MBD3: variants seen among roughly 807,000 people sequenced by gnomAD.
MBD3 encodes methyl-CpG binding domain protein 3.
Under a neutral mutation model 31.2 loss-of-function variants are expected in MBD3, and 13 were observed. The observed-to-expected ratio is 0.42, with a 90% confidence interval of 0.27 to 0.66. MBD3 has a LOEUF of 0.66. Among genes scored for constraint, MBD3 ranks in the 30% least tolerant of loss-of-function variants. The probability of loss-of-function intolerance (pLI) is 0.26; values close to 1 mark genes in which losing one functional copy is unlikely to be tolerated. For missense variants in MBD3, 440 were observed against 426.5 expected (o/e 1.03, Z -0.28); for synonymous variants, 223 against 187.4 (o/e 1.19, Z -1.55).
At chr19:1,584,900 CACCCTGTGGCCTGCGCCTTCCGCTCTGT>C in intron 2 of MBD3, 127 bp downstream of exon 2, 1 of 1,204,714 alleles carries the variant, frequency 8.3e-7, no homozygotes, top group Admixed American at 2.1e-5. Context: ...TTGCGCTCTG[CACCCTGTGGCCTGCGCCTTCCGCTCTGT>C]GCCCTCCGCC....
chr19:1,592,448 G>A (rs1268109435), intron 1 of MBD3, 74 bp downstream of exon 1: 37 of 667,338 alleles, frequency 5.5e-5, no homozygotes, highest in Non-Finnish European at 8.0e-5. Flanking sequence ...GCCCGGGGCA[G>A]GGGCGCCGAG....
In MBD3 at chr19:1,577,341, C is replaced by G. The variant is rs374929854; in HGVS notation, c.*823G>C. 1 of 152,278 alleles carries G rather than the reference C, an allele frequency of 6.6e-6. No individual in the cohort carries two copies. The highest frequency in any genetic ancestry group is 1.5e-5 in the Non-Finnish European group (1 of 68,066). The allele number at this position is 152,278 out of a possible 1,614,324, so 9.4% of individuals were successfully genotyped here. On this transcript the variant is annotated 3_prime_UTR_variant, in exon 7 of 7. Transcript: ENST00000434436. ...CCTCGAGGAGCGTCTGGGAGCCTCA[C>G]CCTGTCCCAGTGGCTCCTGGCACCC...
rs1555701041 is a variant in MBD3, at chr19:1,592,646, C to T, written c.-15G>A. The T allele has an allele frequency of 3.4e-6, 4 of 1,181,426 alleles. No homozygotes were observed. The highest frequency in any genetic ancestry group is 1.6e-5 in the African/African-American group (1 of 61,118). 73.2% of individuals were successfully genotyped at this position (1,181,426 alleles called of 1,614,324 possible). A position where few individuals can be genotyped will look rare whatever the true frequency, so the allele number is the denominator to read the frequency against. ...TTCCGCTCCATTGCGCCCGGCTCCT[C>T]GGCCCGCCGCCGGGCCCGCCGCCGC... On this transcript the variant is annotated 5_prime_UTR_variant, in exon 1 of 7. Transcript: ENST00000434436.
intron 5 of MBD3, among the ~76,000 whole-genome samples, chr19:1,580,703 T>A (rs1917332354): frequency 6.6e-6 from 1 of 152,130 alleles, no homozygotes; most frequent in African/African-American, 2.4e-5. Flanking sequence ...TGCTGTTCGT[T>A]CCGAGGCTCT....
chr19:1,587,132 A>AT (rs2060683180), intron 1 of MBD3, among the ~76,000 whole-genome samples: 1 of 150,804 alleles, frequency 6.6e-6, no homozygotes, highest in African/African-American at 2.4e-5. Flanking sequence ...CGCCCGGCTA[A>AT]TTTTTTATAT....
intron 4 of MBD3, 50 bp downstream of exon 4, chr19:1,582,572 C>T (rs533884241): frequency 1.3e-6 from 2 of 1,566,502 alleles, no homozygotes; most frequent in Admixed American, 1.7e-5. Flanking sequence ...GCAGCACCTC[C>T]ACCCCACCCG....
At chr19:1,579,312 T>C (rs759561893) in intron 5 of MBD3, among the ~76,000 whole-genome samples, 108 of 151,242 alleles carry the variant, frequency 7.1e-4, no homozygotes, top group Non-Finnish European at 1.1e-3. Flanking sequence ...CGTGTACTCC[T>C]TTACCATGGC....
At position 1,585,338 on chromosome 19, in the gene MBD3, A is replaced by C; in HGVS notation, c.111-124T>G. ...GTCGCGACCCCAGCCCCAGACCCCA[A>C]CACGGCCCTGACCCCAAACCCAGGC... is the stretch of plus-strand genomic sequence containing the variant. On this transcript the variant is annotated intron_variant, in intron 1 of 6. Coordinates refer to ENST00000434436, the MANE Select transcript of MBD3 (RefSeq NM_001281453.2). The surrounding 1 kb of genome is among the most constrained non-coding windows in gnomAD (Gnocchi z 4.1). The C allele has an allele frequency of 1.5e-5, 16 of 1,082,386 alleles. No individual in the cohort carries two copies. The highest frequency in any genetic ancestry group is 1.7e-5 in the Non-Finnish European group (13 of 759,402). The allele number at this position is 1,082,386 out of a possible 1,614,324, so 67.0% of individuals were successfully genotyped here.
At position 1,584,609 on chromosome 19, in the gene MBD3, G is replaced by A. The variant is rs756436697; in HGVS notation, c.339C>T (p.Thr113=). ...QTASIFKQPV[T]KITNHPSNKV... ...TGTTGCTGGGGTGGTTGGTAATCTTGGTCACCGGCTGCTTGAAGATGGACG... is the reference window on the plus strand; with the variant it reads ...TGTTGCTGGGGTGGTTGGTAATCTTAGTCACCGGCTGCTTGAAGATGGACG... The change falls in exon 3 of 7, where the codon ACC becomes ACT. Residue 113 remains threonine (T), a synonymous_variant. Transcript: ENST00000434436. 1.2e-6 allele frequency: 2 copies of A among 1,613,826 alleles called. No homozygotes were observed. The highest frequency in any genetic ancestry group is 2.7e-5 in the African/African-American group (2 of 74,946).
At chr19:1,591,538 G>A (rs982469986) in intron 1 of MBD3, among the ~76,000 whole-genome samples, 56 of 152,250 alleles carry the variant, frequency 3.7e-4, no homozygotes, top group African/African-American at 1.3e-3. Flanking sequence ...TGGGAAAAAG[G>A]GGGACCAGCC....
At chr19:1,587,482 A>G (rs1165221850) in intron 1 of MBD3, among the ~76,000 whole-genome samples, 1 of 151,700 alleles carries the variant, frequency 6.6e-6, no homozygotes, top group African/African-American at 2.4e-5. Context: ...TGGTGTGATC[A>G]CAGCACACTG....
intron 1 of MBD3, chr19:1,591,919 G>A (rs1295127430): frequency 6.6e-6 from 1 of 152,042 alleles, no homozygotes; most frequent in Admixed American, 6.6e-5. Context: ...AAAGCCTCAG[G>A]TCTCCACCCT....
intron 4 of MBD3, chr19:1,581,771 C>CT (rs35312920): frequency 0.089 from 14,504 of 162,120 alleles, 816 homozygotes; most frequent in East Asian, 0.33. Flanking sequence ...TGCTCTGTAT[C>CT]TTTTTTTTTT....
At chr19:1,589,876 G>A (rs906007133) in intron 1 of MBD3, among the ~76,000 whole-genome samples, 1 of 152,146 alleles carries the variant, frequency 6.6e-6, no homozygotes, top group South Asian at 2.1e-4. Context: ...CAAGATAGAG[G>A]GGGTTAGTGG....
intron 5 of MBD3, among the ~76,000 whole-genome samples, chr19:1,579,937 T>G (rs1452768648): frequency 6.6e-6 from 1 of 152,204 alleles, no homozygotes; most frequent in African/African-American, 2.4e-5. Context: ...ATTTTATTTT[T>G]AGTGGAGACG....
intron 1 of MBD3, chr19:1,586,255 CG>C (rs2060678757): frequency 6.6e-6 from 1 of 152,238 alleles, no homozygotes; most frequent in Admixed American, 6.5e-5. Context: ...AATGGATGAA[CG>C]GACAAACGCC....
chr19:1,592,227 C>A (rs1428837720), intron 1 of MBD3: 3 of 153,954 alleles, frequency 1.9e-5, no homozygotes, highest in Non-Finnish European at 2.9e-5. Context: ...CCCCTGCCCC[C>A]CGGTAGCATC....
At position 1,582,792 on chromosome 19, in the gene MBD3, C is replaced by G. The variant is rs532405289; in HGVS notation, c.409-80G>C. 5 of 1,290,240 alleles carry G rather than the reference C, an allele frequency of 3.9e-6. No homozygotes were observed. The South Asian group carries it at 5.0e-5, about 13-fold the overall frequency. 79.9% of individuals were successfully genotyped at this position (1,290,240 alleles called of 1,614,324 possible). On this transcript the variant is annotated intron_variant, in intron 3 of 6. Coordinates refer to ENST00000434436, the MANE Select transcript of MBD3 (RefSeq NM_001281453.2). ...AGGTCCTTGCTGGGCTCCAGGGAGG[C>G]CCACCTGGCCTCCTTGCCCCATGTG...
At position 1,583,211 on chromosome 19, in the gene MBD3, G is replaced by GA. The variant is rs56342603; in HGVS notation, c.409-500dup. The GA allele has an allele frequency of 8.0e-3, 848 of 106,150 alleles. 2 individuals are homozygous for GA. The highest frequency in any genetic ancestry group is 0.019 in the African/African-American group (523 of 27,640). 6.6% of individuals were successfully genotyped at this position (106,150 alleles called of 1,614,324 possible). On this transcript the variant is annotated intron_variant, in intron 3 of 6. Transcript: ENST00000434436. Reference sequence around the variant, plus strand: ...AAGAGCAAAACTCCATCTCAAAAAAGAAAAAAAAAAAAAAAAATTAGCCGT... The same window carrying GA: ...AAGAGCAAAACTCCATCTCAAAAAAGAAAAAAAAAAAAAAAAAATTAGCCGT...
Sources: gnomAD v4.1 joint callset for allele counts (sites outside exome capture counted in the v4.1 genomes callset) on GRCh38, gnomAD v4.1.1 for gene constraint, Gnocchi (gnomAD v3.1) non-coding constraint, MANE v1.5 for transcripts, NCBI Gene and HGNC (gene_info 2026-07-23, HGNC 2026-07-21) for gene names.